The following INPP4B variants were observed in gnomAD, a reference collection of about 807,000 sequenced individuals.
The protein encoded by INPP4B is inositol polyphosphate 4-phosphatase type II.
INPP4B carries 55 observed loss-of-function variants against 122.5 expected under a neutral mutation model. The observed-to-expected ratio is 0.45, with a 90% CI of 0.36 to 0.56. The LOEUF is 0.56. Among genes scored for constraint, INPP4B ranks in the 20% least tolerant of loss-of-function variants. The pLI is 0.00. For synonymous variants in INPP4B, 403 were observed against 388.7 expected (o/e 1.04, Z -0.43); for missense variants, 1,000 against 1,097.7 (o/e 0.91, Z 1.26).
intron 14 of INPP4B, among the ~76,000 whole-genome samples, chr4:142,197,366 C>T (rs1228027505): frequency 6.6e-6 from 1 of 152,040 alleles, no homozygotes; most frequent in Non-Finnish European, 1.5e-5. Flanking sequence ...AATTCCACTG[C>T]TCTTTTGCAA....
intron 7 of INPP4B, among the ~76,000 whole-genome samples, chr4:142,318,570 A>T (rs574110862): frequency 1.3e-5 from 2 of 152,186 alleles, no homozygotes; most frequent in Admixed American, 6.5e-5. Context: ...CCTGGAACAT[A>T]AGAATGTCTT....
rs1048685429 is a variant in INPP4B at position 142,673,809 on chromosome 4, G to C, written c.-191+52030C>G. Among the ~76,000 whole-genome samples, 10 of 152,228 alleles carry C rather than the reference G, an allele frequency of 6.6e-5. No individual in the cohort carries two copies. The South Asian group carries it at 2.1e-3, about 32-fold the overall frequency. On this transcript the variant is annotated intron_variant, in intron 2 of 25. Transcript: ENST00000262992. ...CCTCTTTTATGTTTCCCCAGGAAGA[G>C]AGACTACCCATAATCCAGAAAGAGC...
At chr4:142,178,853 TG>T (rs1829527207) in intron 15 of INPP4B, among the ~76,000 whole-genome samples, 1 of 136,242 alleles carries the variant, frequency 7.3e-6, no homozygotes, top group South Asian at 2.3e-4. Flanking sequence ...AAAAAAAATG[TG>T]GTCTCTTGAA....
At chr4:142,578,150 A>G (rs1182278437) in intron 2 of INPP4B, among the ~76,000 whole-genome samples, 1 of 151,970 alleles carries the variant, frequency 6.6e-6, no homozygotes, top group Non-Finnish European at 1.5e-5. Context: ...TATTTTGTGA[A>G]TGACACAAAA....
At chr4:142,124,449 A>G (rs998012825) in intron 19 of INPP4B, 139 bp downstream of exon 19, 4 of 709,182 alleles carry the variant, frequency 5.6e-6, no homozygotes, top group African/African-American at 1.8e-5. Context: ...ATTTATCGTG[A>G]ATAAGAAACA....
At chr4:142,801,871 T>G (rs561021318) in intron 1 of INPP4B, among the ~76,000 whole-genome samples, 1 of 152,280 alleles carries the variant, frequency 6.6e-6, no homozygotes, top group South Asian at 2.1e-4. Context: ...CCTGTCGAGT[T>G]TTTTTTGTAA....
intron 2 of INPP4B, among the ~76,000 whole-genome samples, chr4:142,656,095 G>A (rs1463047166): frequency 6.6e-6 from 1 of 152,204 alleles, no homozygotes; most frequent in Non-Finnish European, 1.5e-5. Context: ...AGAGCCTCAA[G>A]AACTTCACAC....
chr4:142,759,398 C>T (rs1002552620), intron 1 of INPP4B, among the ~76,000 whole-genome samples: 9 of 152,134 alleles, frequency 5.9e-5, no homozygotes, highest in Non-Finnish European at 1.3e-4. Context: ...TTCGTCTTCT[C>T]TCCACATCTT....
chr4:142,598,325 C>T (rs1281571796), intron 2 of INPP4B, among the ~76,000 whole-genome samples: 1 of 152,216 alleles, frequency 6.6e-6, no homozygotes, highest in Non-Finnish European at 1.5e-5. Context: ...GATTCAGAGA[C>T]ACCACAAGGG....
intron 11 of INPP4B, among the ~76,000 whole-genome samples, chr4:142,257,819 A>C (rs201861633): frequency 0.76 from 114,146 of 151,020 alleles, 44,415 homozygotes; most frequent in East Asian, 0.93. Flanking sequence ...ATCAAGCTAC[A>C]AATGACTTTC....
chr4:142,536,342 C>T (rs1038401972), intron 2 of INPP4B, among the ~76,000 whole-genome samples: 2 of 152,252 alleles, frequency 1.3e-5, no homozygotes, highest in East Asian at 1.9e-4. Flanking sequence ...TCTCCATTCT[C>T]TGCTTCAGAA....
At chr4:142,786,247 G>C (rs1334556677) in intron 1 of INPP4B, among the ~76,000 whole-genome samples, 1 of 152,060 alleles carries the variant, frequency 6.6e-6, no homozygotes, top group Non-Finnish European at 1.5e-5. Context: ...GTCCAAGTAA[G>C]TAAGAAAGTG....
intron 7 of INPP4B, among the ~76,000 whole-genome samples, chr4:142,375,974 C>T (rs1791692795): frequency 6.6e-6 from 1 of 151,928 alleles, no homozygotes; most frequent in South Asian, 2.1e-4. Flanking sequence ...ATCTTCATTC[C>T]ATTCACTTAT....
At chr4:142,613,194 G>C (rs1742952132) in intron 2 of INPP4B, among the ~76,000 whole-genome samples, 1 of 152,168 alleles carries the variant, frequency 6.6e-6, no homozygotes, top group African/African-American at 2.4e-5. Context: ...TCAATCTACA[G>C]ATTTCACATG....
chr4:142,776,513 G>T (rs972357366), intron 1 of INPP4B, among the ~76,000 whole-genome samples: 5 of 152,118 alleles, frequency 3.3e-5, no homozygotes, highest in Admixed American at 3.3e-4. Context: ...ATTTGCACTG[G>T]CTTTCTTAGG....
chr4:142,591,730 C>T (rs1248900058), intron 2 of INPP4B, among the ~76,000 whole-genome samples: 2 of 152,098 alleles, frequency 1.3e-5, no homozygotes, highest in East Asian at 1.9e-4. Flanking sequence ...AATATGTGCC[C>T]TCGATATGAT....
chr4:142,811,972 C>T (rs887681260), intron 1 of INPP4B, among the ~76,000 whole-genome samples: 3 of 152,110 alleles, frequency 2.0e-5, no homozygotes, highest in African/African-American at 7.2e-5. Flanking sequence ...TAAATCCAAA[C>T]TCAATAATTC....
At chr4:142,257,711 C>T (rs1025784869) in intron 11 of INPP4B, among the ~76,000 whole-genome samples, 1 of 152,138 alleles carries the variant, frequency 6.6e-6, no homozygotes, top group Non-Finnish European at 1.5e-5. Context: ...AAAGAGGATA[C>T]AAACAAATAG....
chr4:142,437,309 T>C lies in INPP4B; in HGVS notation c.-126-5924A>G, dbSNP rs7663081. 2.2e-4 allele frequency among the ~76,000 whole-genome samples: 34 copies of C among 152,128 alleles called. No individual in the cohort carries two copies. The Middle Eastern group carries it at 0.01, about 46-fold the overall frequency. On this transcript the variant is annotated intron_variant, in intron 3 of 25. Coordinates refer to ENST00000262992, the MANE Select transcript of INPP4B (RefSeq NM_001101669.3). ...AGTAAAGAGACTGAACCTGCAACTG[T>C]TTGGAGTACTTGAAAGAGACAAGGA...
Sources: gnomAD v4.1 joint callset for allele counts (sites outside exome capture counted in the v4.1 genomes callset) on GRCh38, gnomAD v4.1.1 for gene constraint, MANE v1.5 for transcripts, NCBI Gene and HGNC (gene_info 2026-07-23, HGNC 2026-07-21) for gene names.